LRRC4C: variants seen among roughly 807,000 people sequenced by gnomAD.
LRRC4C encodes leucine rich repeat containing 4C, also known as leucine-rich repeat-containing protein 4C.
In LRRC4C, 5 loss-of-function variants were observed where a neutral mutation model predicts 33.6. That is an observed-to-expected ratio of 0.15 (90% CI 0.08 to 0.31). The LOEUF (loss-of-function observed/expected upper bound fraction) is 0.31, where lower values mean the gene tolerates loss of function less well. LRRC4C is among the 10% of genes least tolerant of loss of function. The probability of loss-of-function intolerance (pLI) is 1.00; values close to 1 mark genes in which losing one functional copy is unlikely to be tolerated. For synonymous variants in LRRC4C, 329 were observed against 302.0 expected (o/e 1.09, Z -0.93); for missense variants, 560 against 796.7 (o/e 0.70, Z 3.58).
At chr11:41,278,871 G>A (rs1949565789) in intron 1 of LRRC4C, among the ~76,000 whole-genome samples, 1 of 151,986 alleles carries the variant, frequency 6.6e-6, no homozygotes, top group Admixed American at 6.6e-5. Context: ...TGAAAGTTTT[G>A]TTGCATGGGT....
chr11:40,138,257 T>C (rs1405498211), intron 6 of LRRC4C, among the ~76,000 whole-genome samples: 1 of 152,092 alleles, frequency 6.6e-6, no homozygotes, highest in Non-Finnish European at 1.5e-5. Flanking sequence ...AACCTTGAAC[T>C]TCTGGGCTCA....
intron 4 of LRRC4C, among the ~76,000 whole-genome samples, chr11:40,253,681 T>C (rs1021512275): frequency 6.6e-6 from 1 of 152,176 alleles, no homozygotes; most frequent in Admixed American, 6.5e-5. Context: ...ACCCTCCAGA[T>C]GCACTGCAGC....
chr11:40,699,976 G>A (rs1945785685), intron 2 of LRRC4C, among the ~76,000 whole-genome samples: 1 of 152,120 alleles, frequency 6.6e-6, no homozygotes, highest in African/African-American at 2.4e-5. Context: ...GAGAAAAAAT[G>A]TGTTATAATG....
At chr11:40,839,447 T>C (rs1952819123) in intron 2 of LRRC4C, among the ~76,000 whole-genome samples, 1 of 152,168 alleles carries the variant, frequency 6.6e-6, no homozygotes, top group Non-Finnish European at 1.5e-5. Context: ...GGTTTCACCA[T>C]GTTAGCCAGG....
rs10629266 is a variant in LRRC4C, at chr11:40,886,406, T to TACACACACACACACAC, written c.-407+47213_-407+47228dup. ...TAGTCCAAAGTCTGGTTTCAAATGC[T>TACACACACACACACAC]ACACACACACACACACACACACACA... On this transcript the variant is annotated intron_variant, in intron 2 of 6. Coordinates refer to ENST00000528697, the MANE Select transcript of LRRC4C (RefSeq NM_001258419.2). Among the ~76,000 whole-genome samples, 130 of 145,544 alleles carry TACACACACACACACAC rather than the reference T, an allele frequency of 8.9e-4. 1 individual carries two copies. Among genetic ancestry groups the TACACACACACACACAC allele is most frequent in the Admixed American group, 1.3e-3 (19 of 14,376 alleles).
chr11:40,841,229 C>T (rs758220055), intron 2 of LRRC4C, among the ~76,000 whole-genome samples: 30 of 152,214 alleles, frequency 2.0e-4, no homozygotes, highest in Non-Finnish European at 4.1e-4. Context: ...AATCTATATA[C>T]CTGCTTGCTA....
At chr11:41,203,207 C>T (rs1590924914) in intron 1 of LRRC4C, among the ~76,000 whole-genome samples, 1 of 152,152 alleles carries the variant, frequency 6.6e-6, no homozygotes, top group South Asian at 2.1e-4. Flanking sequence ...AGGAAATAGA[C>T]ACTTGGACAG....
intron 2 of LRRC4C, among the ~76,000 whole-genome samples, chr11:40,669,555 T>C (rs1943981930): frequency 6.6e-6 from 1 of 152,202 alleles, no homozygotes; most frequent in Non-Finnish European, 1.5e-5. Context: ...CTATTGGTAA[T>C]CTGTTCTGTT....
intron 2 of LRRC4C, among the ~76,000 whole-genome samples, chr11:40,826,768 G>A (rs1952186330): frequency 6.6e-6 from 1 of 151,890 alleles, no homozygotes; most frequent in Non-Finnish European, 1.5e-5. Flanking sequence ...GATACTGTAA[G>A]GGACTGGCTA....
chr11:40,411,789 C>A (rs1950164798), intron 3 of LRRC4C, among the ~76,000 whole-genome samples: 1 of 151,946 alleles, frequency 6.6e-6, no homozygotes, highest in South Asian at 2.1e-4. Context: ...TCCAGCCTAT[C>A]AGGAAATTCA....
At chr11:40,138,688 T>C (rs745872391) in intron 6 of LRRC4C, among the ~76,000 whole-genome samples, 1 of 152,198 alleles carries the variant, frequency 6.6e-6, no homozygotes, top group Admixed American at 6.5e-5. Context: ...TAAGTAAAAG[T>C]AATAGCAAAA....
rs927694470 is a variant in LRRC4C at position 40,274,611 on chromosome 11, G to A, written c.-175-33013C>T. On this transcript the variant is annotated intron_variant, in intron 4 of 6. Transcript: ENST00000528697. ...TAGCCATCCAAAATGTCAGAGAAGGGGAGCTAGAAAAATGTATTTCCATTC... is the reference window on the plus strand; with the variant it reads ...TAGCCATCCAAAATGTCAGAGAAGGAGAGCTAGAAAAATGTATTTCCATTC... Among the ~76,000 whole-genome samples, 11 of 151,962 alleles carry A rather than the reference G, an allele frequency of 7.2e-5. 1 individual carries two copies. Among genetic ancestry groups the A allele is most frequent in the Admixed American group, 6.6e-4 (10 of 15,230 alleles).
At chr11:40,580,058 G>GGTGTGTGTGTGT (rs72110597) in intron 3 of LRRC4C, among the ~76,000 whole-genome samples, 10,171 of 145,384 alleles carry the variant, frequency 0.07, 443 homozygotes, top group Middle Eastern at 0.14. Flanking sequence ...GTACTTTTCA[G>GGTGTGTGTGTGT]GTGTGTGTGT....
intron 2 of LRRC4C, among the ~76,000 whole-genome samples, chr11:40,733,224 T>C (rs369700272): frequency 3.0e-3 from 459 of 151,584 alleles, no homozygotes; most frequent in South Asian, 6.3e-3. Flanking sequence ...AACAGGCGCC[T>C]GCCACCACAC....
chr11:40,891,861 C>A (rs765486264), intron 2 of LRRC4C, among the ~76,000 whole-genome samples: 3 of 152,064 alleles, frequency 2.0e-5, no homozygotes, highest in African/African-American at 4.8e-5. Context: ...GGGGGCTGGG[C>A]GTGGTGGCTC....
At chr11:41,233,480 GA>G (rs971871791) in intron 1 of LRRC4C, among the ~76,000 whole-genome samples, 18 of 151,264 alleles carry the variant, frequency 1.2e-4, no homozygotes, top group East Asian at 7.8e-4. Context: ...ATTAACATTA[GA>G]AAAAAAAATT....
intron 1 of LRRC4C, among the ~76,000 whole-genome samples, chr11:41,212,297 A>G (rs1211109957): frequency 2.6e-5 from 4 of 152,240 alleles, no homozygotes; most frequent in African/African-American, 9.6e-5. Context: ...TTAAGAAATT[A>G]ATCAAGGCTG....
chr11:41,204,098 T>G (rs1399336801), intron 1 of LRRC4C, among the ~76,000 whole-genome samples: 1 of 152,056 alleles, frequency 6.6e-6, no homozygotes, highest in Non-Finnish European at 1.5e-5. Context: ...GTCCAACTGG[T>G]GGAGACAGGA....
At chr11:41,237,578 T>C (rs1948076147) in intron 1 of LRRC4C, among the ~76,000 whole-genome samples, 1 of 152,142 alleles carries the variant, frequency 6.6e-6, no homozygotes, top group African/African-American at 2.4e-5. Flanking sequence ...TCCTTAAAAC[T>C]AGTTACCGTA....
Sources: gnomAD v4.1 joint callset for allele counts (sites outside exome capture counted in the v4.1 genomes callset) on GRCh38, gnomAD v4.1.1 for gene constraint, MANE v1.5 for transcripts, NCBI Gene and HGNC (gene_info 2026-07-23, HGNC 2026-07-21) for gene names.